YBX1: variants seen among roughly 807,000 people sequenced by gnomAD.
YBX1 encodes Y-box binding protein 1, also known as Y-box-binding protein 1.
Under a neutral mutation model 41.4 loss-of-function variants are expected in YBX1, and 3 were observed. The observed-to-expected ratio is 0.07, with a 90% CI of 0.03 to 0.19. The LOEUF (loss-of-function observed/expected upper bound fraction) is 0.19, where lower values mean the gene tolerates loss of function less well. YBX1 is among the 10% of genes least tolerant of loss of function. The probability of loss-of-function intolerance (pLI) is 1.00; values close to 1 mark genes in which losing one functional copy is unlikely to be tolerated. For missense variants in YBX1, 274 were observed against 462.8 expected (o/e 0.59, Z 3.74); for synonymous variants, 133 against 165.8 (o/e 0.80, Z 1.52).
In YBX1 at chr1:42,696,544, GT is replaced by G; in HGVS notation, c.355-92del. On this transcript the variant is annotated intron_variant, in intron 4 of 7. Coordinates refer to ENST00000321358, the MANE Select transcript of YBX1 (RefSeq NM_004559.5). This position sits in a 1 kb window ranked among gnomAD's most constrained non-coding sequence, Gnocchi z 5.7. Reference sequence around the variant, plus strand: ...CCCCTTTTTTTTCCTTAACTTTGTTGTTTTTTGCTTTGTTTGAAAATGTTCT... The same window carrying G: ...CCCCTTTTTTTTCCTTAACTTTGTTGTTTTTGCTTTGTTTGAAAATGTTCT... 1.9e-6 allele frequency: 1 copy of G among 533,390 alleles called. No individual in the cohort carries two copies. The highest frequency in any genetic ancestry group is 5.1e-5 in the South Asian group (1 of 19,636). 33.0% of individuals were successfully genotyped at this position (533,390 alleles called of 1,614,324 possible).
At chr1:42,684,559 C>T (rs1352541158) in intron 2 of YBX1, among the ~76,000 whole-genome samples, 4 of 152,204 alleles carry the variant, frequency 2.6e-5, no homozygotes, top group Admixed American at 6.5e-5. Context: ...ATTAATCAAT[C>T]ATAGAGTATT....
Position 42,696,502 on chromosome 1 carries a change from C to CG in YBX1, c.355-139dup. 1.0e-6 allele frequency: 1 copy of CG among 975,378 alleles called. No individual in the cohort carries two copies. Among genetic ancestry groups the CG allele is most frequent in the Non-Finnish European group, 1.5e-6 (1 of 677,982 alleles). The allele number at this position is 975,378 out of a possible 1,614,324, so 60.4% of individuals were successfully genotyped here. A position where few individuals can be genotyped will look rare whatever the true frequency, so the allele number is the denominator to read the frequency against. ...AGTCATTTCTGTGCACCCCTGGTCA[C>CG]GCAGTTGCGCCCCCCCCCCCTTTTT... On this transcript the variant is annotated intron_variant, in intron 4 of 7. Transcript: ENST00000321358. The surrounding 1 kb of genome is among the most constrained non-coding windows in gnomAD (Gnocchi z 5.7).
Position 42,696,191 on chromosome 1 carries a change from A to G in YBX1, c.265-8A>G, listed in dbSNP as rs1276636631. 6.2e-6 allele frequency: 10 copies of G among 1,600,632 alleles called. No individual in the cohort carries two copies. The highest frequency in any genetic ancestry group is 8.5e-6 in the Non-Finnish European group (10 of 1,172,360). On this transcript the variant is annotated splice_polypyrimidine_tract_variant and splice_region_variant and intron_variant, in intron 3 of 7. Transcript: ENST00000321358. The surrounding 1 kb of genome is among the most constrained non-coding windows in gnomAD (Gnocchi z 5.7). ...TGTTAATCTATTTTTGGAATGTGAT[A>G]TTACTAGACTGCCATAAAGAAGAAT...
intron 2 of YBX1, among the ~76,000 whole-genome samples, chr1:42,684,032 AATAAT>A (rs1650129746): frequency 6.6e-6 from 1 of 152,174 alleles, no homozygotes; most frequent in South Asian, 2.1e-4. Context: ...TCATCCAGTA[AATAAT>A]ATATTTACAA....
At chr1:42,695,466 T>C (rs1483050014) in intron 3 of YBX1, among the ~76,000 whole-genome samples, 1 of 152,204 alleles carries the variant, frequency 6.6e-6, no homozygotes, top group African/African-American at 2.4e-5. Flanking sequence ...ATGTCCTGTC[T>C]CATAATGAGA....
intron 1 of YBX1, chr1:42,683,116 G>A (rs1650091480): frequency 3.4e-6 from 2 of 593,532 alleles, no homozygotes; most frequent in Non-Finnish European, 6.2e-6. Flanking sequence ...CGCCTACGCA[G>A]GCCGGAGCGG....
Position 42,696,522 on chromosome 1 carries a change from C to CCTT in YBX1, c.355-120_355-119insCTT. On this transcript the variant is annotated intron_variant, in intron 4 of 7. Transcript: ENST00000321358. This position sits in a 1 kb window ranked among gnomAD's most constrained non-coding sequence, Gnocchi z 5.7. ...GGTCACGCAGTTGCGCCCCCCCCCC[C>CCTT]TTTTTTTTCCTTAACTTTGTTGTTT... 4.7e-6 allele frequency: 3 copies of CCTT among 637,560 alleles called. No individual in the cohort carries two copies. Among genetic ancestry groups the CCTT allele is most frequent in the East Asian group, 3.8e-5 (1 of 26,250 alleles). 39.5% of individuals were successfully genotyped at this position (637,560 alleles called of 1,614,324 possible).
At chr1:42,701,308 GCTTT>G (rs1485065995) in intron 7 of YBX1, among the ~76,000 whole-genome samples, 3 of 152,092 alleles carry the variant, frequency 2.0e-5, no homozygotes, top group Non-Finnish European at 1.5e-5. Context: ...AACTATTAGT[GCTTT>G]CTATCAACTT....
intron 7 of YBX1, 56 bp downstream of exon 7, chr1:42,701,102 G>A (rs1650590004): frequency 2.2e-5 from 30 of 1,338,344 alleles, no homozygotes; most frequent in South Asian, 2.1e-4. Flanking sequence ...TGACCATTTC[G>A]TTTTATTAAT....
intron 2 of YBX1, among the ~76,000 whole-genome samples, chr1:42,687,265 A>G (rs2148736097): frequency 6.6e-6 from 1 of 152,194 alleles, no homozygotes; most frequent in South Asian, 2.1e-4. Flanking sequence ...CTGCAAGGTA[A>G]GACTGAATAT....
At chr1:42,683,784 G>GT (rs764539081) in intron 2 of YBX1, among the ~76,000 whole-genome samples, 1 of 152,224 alleles carries the variant, frequency 6.6e-6, no homozygotes, top group Non-Finnish European at 1.5e-5. Context: ...CTACGGTCCA[G>GT]TACATTTTTA....
intron 6 of YBX1, among the ~76,000 whole-genome samples, chr1:42,699,419 C>G (rs1350784900): frequency 1.3e-5 from 2 of 152,034 alleles, no homozygotes; most frequent in Admixed American, 1.3e-4. Flanking sequence ...CAGCTTGACT[C>G]TGTGTTTCTA....
chr1:42,695,635 A>T (rs1650441180), intron 3 of YBX1, among the ~76,000 whole-genome samples: 1 of 152,258 alleles, frequency 6.6e-6, no homozygotes, highest in African/African-American at 2.4e-5. Flanking sequence ...TAACAATTCC[A>T]TGCAGTCAGA....
intron 2 of YBX1, among the ~76,000 whole-genome samples, chr1:42,687,094 C>T (rs1015395131): frequency 6.6e-6 from 1 of 152,210 alleles, no homozygotes; most frequent in Non-Finnish European, 1.5e-5. Flanking sequence ...CTGCCTTTCA[C>T]TATCTACTTT....
At chr1:42,695,506 C>CA (rs1421531341) in intron 3 of YBX1, among the ~76,000 whole-genome samples, 3 of 152,096 alleles carry the variant, frequency 2.0e-5, no homozygotes, top group African/African-American at 2.4e-5. Flanking sequence ...AAGAATGTTG[C>CA]AAAAAAATTT....
chr1:42,683,438 G>A lies in YBX1; in HGVS notation c.202G>A (p.Val68Ile). Residue 68 changes from valine to isoleucine, a missense_variant, in exon 2 of 8, where the codon GTA becomes ATA. By Grantham distance (29) the Val-to-Ile change is conservative (BLOSUM62 3). Transcript: ENST00000321358. ...KVLGTVKWFNVRNGYGFINRN... is the reference protein window; with the variant it reads ...KVLGTVKWFNIRNGYGFINRN... The stretch of plus-strand genomic sequence containing the variant: ...TTTGGGAACAGTAAAATGGTTCAAT[G>A]TAAGGAACGGATATGGTTTCATCAA... The A allele has an allele frequency of 1.2e-6, 2 of 1,614,122 alleles. No homozygotes were observed. The highest frequency in any genetic ancestry group is 1.7e-6 in the Non-Finnish European group (2 of 1,180,034).
intron 2 of YBX1, among the ~76,000 whole-genome samples, chr1:42,688,730 A>G (rs1650258321): frequency 6.6e-6 from 1 of 152,204 alleles, no homozygotes; most frequent in African/African-American, 2.4e-5. Context: ...GAGAAAAGTC[A>G]TGGCATTGTA....
intron 5 of YBX1, 31 bp from the exon 6 acceptor site, chr1:42,697,149 C>G: frequency 1.2e-6 from 2 of 1,604,576 alleles, no homozygotes; most frequent in Non-Finnish European, 1.7e-6. Context: ...ATTACTGACC[C>G]AGTAGGCTTA....
chr1:42,685,188 C>A (rs1207736659), intron 2 of YBX1, among the ~76,000 whole-genome samples: 1 of 152,094 alleles, frequency 6.6e-6, no homozygotes, highest in Non-Finnish European at 1.5e-5. Flanking sequence ...TTTTTGAAAT[C>A]AACAGTTTTG....
Sources: allele counts gnomAD v4.1 joint callset (sites outside exome capture counted in the v4.1 genomes callset), GRCh38; gene constraint gnomAD v4.1.1; non-coding constraint Gnocchi (gnomAD v3.1); transcripts MANE v1.5; gene names NCBI Gene and HGNC (gene_info 2026-07-23, HGNC 2026-07-21).